ITSN2: variants seen among roughly 807,000 people sequenced by gnomAD.
ITSN2 encodes intersectin 2.
A neutral mutation model predicts 243.7 loss-of-function variants in ITSN2; 156 were observed. The ratio of observed to expected loss-of-function variants is 0.64; its 90% CI spans 0.56 to 0.73. The LOEUF is 0.73. Among genes scored for constraint, ITSN2 ranks in the 30% least tolerant of loss-of-function variants. The probability of loss-of-function intolerance (pLI) is 0.00; values close to 1 mark genes in which losing one functional copy is unlikely to be tolerated. For missense variants in ITSN2, 1,801 were observed against 1,996.1 expected (o/e 0.90, Z 1.86); for synonymous variants, 703 against 699.9 (o/e 1.00, Z -0.07).
chr2:24,344,337 T>C (rs1421486334), intron 1 of ITSN2, among the ~76,000 whole-genome samples: 1 of 152,220 alleles, frequency 6.6e-6, no homozygotes, highest in Non-Finnish European at 1.5e-5. Flanking sequence ...TTAATGGGTA[T>C]CAAGTTGCTT....
At chr2:24,220,824 C>A (rs1018586875) in intron 30 of ITSN2, 121 bp downstream of exon 30, 16 of 1,446,838 alleles carry the variant, frequency 1.1e-5, no homozygotes, top group Non-Finnish European at 2.7e-6. Flanking sequence ...TTTGTGAATT[C>A]ACACATCAAA....
At position 24,261,723 on chromosome 2, in the gene ITSN2, C is replaced by T; in HGVS notation, c.2375G>A (p.Gly792Glu). The T allele has an allele frequency of 1.2e-6, 2 of 1,612,316 alleles. No individual in the cohort carries two copies. The highest frequency in any genetic ancestry group is 1.7e-6 in the Non-Finnish European group (2 of 1,179,382). ...DIIQVDEKTV[G>E]EPGWLYGSFQ... ...ACTACCATAAAGCCAACCAGGTTCTCCTACGGTTTTTTCATCAACCTACGG... is the reference window on the plus strand; with the variant it reads ...ACTACCATAAAGCCAACCAGGTTCTTCTACGGTTTTTTCATCAACCTACGG... Residue 792 changes from glycine to glutamate, a missense_variant, in exon 21 of 40, where the codon GGA becomes GAA. Physicochemically the swap from Gly to Glu is moderately conservative, Grantham distance 98 (BLOSUM62 -2). Coordinates refer to ENST00000355123, the MANE Select transcript of ITSN2 (RefSeq NM_006277.3).
At position 24,216,236 on chromosome 2, in the gene ITSN2, C is replaced by T; in HGVS notation, c.3807-4G>A. 6.3e-7 allele frequency: 1 copy of T among 1,582,736 alleles called. No individual in the cohort carries two copies. Among genetic ancestry groups the T allele is most frequent in the Non-Finnish European group, 8.6e-7 (1 of 1,163,918 alleles). On this transcript the variant is annotated splice_region_variant and splice_polypyrimidine_tract_variant and intron_variant, in intron 31 of 39. Coordinates refer to ENST00000355123, the MANE Select transcript of ITSN2 (RefSeq NM_006277.3). ...CTTCTTCCGCACCCGCAAAGCCCTG[C>T]CAAGAACACACTCTCATTTTGTGTT...
chr2:24,233,210 T>C (rs956719732), intron 29 of ITSN2, among the ~76,000 whole-genome samples: 1 of 152,156 alleles, frequency 6.6e-6, no homozygotes, highest in African/African-American at 2.4e-5. Flanking sequence ...ACACCATTAA[T>C]CTCCCCCAAT....
Position 24,337,315 on chromosome 2 carries a change from AATATATAT to A in ITSN2, c.-33-9208_-33-9201del, listed in dbSNP as rs201712131. ...TGTGTGTGTGTGTGTGTATACACAAAATATATATATATATATATATATATATATATATA... is the reference window on the plus strand; with the variant it reads ...TGTGTGTGTGTGTGTGTATACACAAAATATATATATATATATATATATATA... On this transcript the variant is annotated intron_variant, in intron 1 of 39. Coordinates refer to ENST00000355123, the MANE Select transcript of ITSN2 (RefSeq NM_006277.3). Among the ~76,000 whole-genome samples, 254 of 32,018 alleles carry A rather than the reference AATATATAT, an allele frequency of 7.9e-3. 17 individuals are homozygous for A. The highest frequency in any genetic ancestry group is 0.019 in the Middle Eastern group (1 of 54). 21.0% of individuals were successfully genotyped at this position (32,018 alleles called of 152,430 possible).
rs566684307 is a variant in ITSN2, at chr2:24,301,265, G to A, written c.996-26C>T. The A allele has an allele frequency of 3.9e-5, 55 of 1,421,962 alleles. No homozygotes were observed. The African/African-American group carries it at 6.8e-4, about 17-fold the overall frequency. The allele number at this position is 1,421,962 out of a possible 1,614,324, so 88.1% of individuals were successfully genotyped here. On this transcript the variant is annotated intron_variant, in intron 10 of 39. Transcript: ENST00000355123. ...CTAAAAAAATCAAACAACAAAGTTA[G>A]CATCATGTAGTCTGGACATTTTCAG...
chr2:24,327,426 G>A (rs532133270), intron 2 of ITSN2, among the ~76,000 whole-genome samples: 3 of 151,740 alleles, frequency 2.0e-5, no homozygotes, highest in African/African-American at 7.3e-5. Flanking sequence ...AACCTCCCAA[G>A]CAGCTGGGAT....
intron 1 of ITSN2, among the ~76,000 whole-genome samples, chr2:24,338,603 T>C (rs560123324): frequency 6.6e-6 from 1 of 152,378 alleles, no homozygotes; most frequent in South Asian, 2.1e-4. Context: ...TGCAGTAAGA[T>C]GAAATTTACA....
upstream of ITSN2, chr2:24,360,787 C>T (rs967083118): frequency 6.5e-6 from 1 of 152,680 alleles, no homozygotes; most frequent in Admixed American, 6.5e-5. Context: ...ACAGACCCAC[C>T]TGGCTCCTCC....
chr2:24,244,050 T>C (rs1305599958), intron 29 of ITSN2, among the ~76,000 whole-genome samples: 1 of 152,198 alleles, frequency 6.6e-6, no homozygotes, highest in African/African-American at 2.4e-5. Flanking sequence ...GCTCTGCCAG[T>C]TCCACCTATA....
Position 24,252,420 on chromosome 2 carries a change from T to C in ITSN2, c.3045A>G (p.Gly1015=). Residue 1015 remains glycine (G), a synonymous_variant, in exon 25 of 40, where the codon GGA becomes GGG. Transcript: ENST00000355123. ...CTCCAATACTTCCTGTCCACCACTCTCCATCTTTCTGGGTCACCAATATTT... is the reference window on the plus strand; with the variant it reads ...CTCCAATACTTCCTGTCCACCACTCCCCATCTTTCTGGGTCACCAATATTT... ...GEEILVTQKD[G]EWWTGSIGDR... is the part of the protein sequence containing the mutation. The C allele has an allele frequency of 1.2e-6, 2 of 1,613,036 alleles. No homozygotes were observed. Among genetic ancestry groups the C allele is most frequent in the Non-Finnish European group, 1.7e-6 (2 of 1,179,110 alleles).
intron 29 of ITSN2, among the ~76,000 whole-genome samples, chr2:24,222,663 CTTTTCTTTT>C (rs1670582625): frequency 2.4e-5 from 3 of 126,354 alleles, no homozygotes; most frequent in African/African-American, 8.9e-5. Context: ...AACTATTTTT[CTTTTCTTTT>C]TTTTTTTTTT....
At chr2:24,301,279 G>T in intron 10 of ITSN2, 40 bp from the exon 11 acceptor site, 1 of 1,291,750 alleles carries the variant, frequency 7.7e-7, no homozygotes. Flanking sequence ...CATGTAGTCT[G>T]GACATTTTCA....
At chr2:24,219,502 T>C (rs1670257029) in intron 30 of ITSN2, among the ~76,000 whole-genome samples, 1 of 152,180 alleles carries the variant, frequency 6.6e-6, no homozygotes, top group African/African-American at 2.4e-5. Context: ...ATCTGTTTGT[T>C]TATTTGCTGA....
At chr2:24,277,159 C>T (rs560700723) in intron 17 of ITSN2, among the ~76,000 whole-genome samples, 60 of 149,980 alleles carry the variant, frequency 4.0e-4, no homozygotes, top group Non-Finnish European at 7.1e-4. Flanking sequence ...GAATCCTGAA[C>T]GAGAGAGTAG....
chr2:24,208,959 G>A (rs1287665193), intron 36 of ITSN2, 141 bp downstream of exon 36: 8 of 866,490 alleles, frequency 9.2e-6, no homozygotes, highest in Non-Finnish European at 1.4e-5. Context: ...CATGGGACTG[G>A]AGCAGAGGGG....
chr2:24,299,788 G>A, intron 12 of ITSN2, 121 bp downstream of exon 12: 1 of 784,084 alleles, frequency 1.3e-6, no homozygotes, highest in East Asian at 2.7e-5. Flanking sequence ...GGGTAAGAAT[G>A]AAATGATGCA....
chr2:24,248,765 A>G lies in ITSN2; in HGVS notation c.3167-15T>C. The G allele has an allele frequency of 1.2e-6, 2 of 1,613,092 alleles. No individual in the cohort carries two copies. The highest frequency in any genetic ancestry group is 1.7e-6 in the Non-Finnish European group (2 of 1,179,644). ...CTGAGCAATCTCTGAAAAGACAAAG[A>G]AGAAACTATGAATTCAAGATTGCGA... On this transcript the variant is annotated splice_polypyrimidine_tract_variant and intron_variant, in intron 26 of 39. Coordinates refer to ENST00000355123, the MANE Select transcript of ITSN2 (RefSeq NM_006277.3).
rs539110063 is a variant in ITSN2, at chr2:24,247,832, A to G, written c.3288+797T>C. Among the ~76,000 whole-genome samples, 4 of 152,326 alleles carry G rather than the reference A, an allele frequency of 2.6e-5. No individual in the cohort carries two copies. In the South Asian group the frequency reaches 8.3e-4, roughly 32 times the overall value. ...TCAGGAGGTCAGAAGTAAAATTTGTAAAGAGTCATGTTTCCCACTTAGTTC... is the reference window on the plus strand; with the variant it reads ...TCAGGAGGTCAGAAGTAAAATTTGTGAAGAGTCATGTTTCCCACTTAGTTC... On this transcript the variant is annotated intron_variant, in intron 27 of 39. Coordinates refer to ENST00000355123, the MANE Select transcript of ITSN2 (RefSeq NM_006277.3).
Sources: allele counts gnomAD v4.1 joint callset (sites outside exome capture counted in the v4.1 genomes callset), GRCh38; gene constraint gnomAD v4.1.1; transcripts MANE v1.5; gene names NCBI Gene and HGNC (gene_info 2026-07-23, HGNC 2026-07-21).